ABAT: variants seen among roughly 807,000 people sequenced by gnomAD.
ABAT encodes the protein 4-aminobutyrate aminotransferase.
A neutral mutation model predicts 64.6 loss-of-function variants in ABAT; 45 were observed. The observed-to-expected ratio is 0.70, with a 90% confidence interval of 0.55 to 0.89. The LOEUF (loss-of-function observed/expected upper bound fraction) is 0.89, where lower values mean the gene tolerates loss of function less well. ABAT is among the 40% of genes least tolerant of loss of function. ABAT has a pLI of 0.00. For missense variants in ABAT, 633 were observed against 658.4 expected, an observed-to-expected ratio of 0.96 and a Z score of 0.42; for synonymous variants, 297 against 250.5, an observed-to-expected ratio of 1.19 and a Z score of -1.75.
intron 1 of ABAT, among the ~76,000 whole-genome samples, chr16:8,716,153 G>T (rs1338233767): frequency 6.6e-6 from 1 of 152,128 alleles, no homozygotes; most frequent in Non-Finnish European, 1.5e-5. Flanking sequence ...TTCCAGTGGA[G>T]AAAACAGAGG....
intron 6 of ABAT, among the ~76,000 whole-genome samples, chr16:8,762,641 C>T (rs2059830328): frequency 6.6e-6 from 1 of 152,322 alleles, no homozygotes; most frequent in South Asian, 2.1e-4. Flanking sequence ...AAGAACATCA[C>T]CCCCACGTCG....
At chr16:8,765,335 CA>C (rs143330523) in intron 8 of ABAT, among the ~76,000 whole-genome samples, 19,429 of 133,824 alleles carry the variant, frequency 0.15, 1,771 homozygotes, top group African/African-American at 0.29. Context: ...GACCCTGTCT[CA>C]AAAAAAAAAA....
At chr16:8,684,706 G>A (rs1329574775) in intron 1 of ABAT, among the ~76,000 whole-genome samples, 1 of 138,938 alleles carries the variant, frequency 7.2e-6, no homozygotes, top group Non-Finnish European at 1.5e-5. Context: ...GTGGACAACA[G>A]AGTGAGATCC....
intron 10 of ABAT, 45 bp downstream of exon 10, chr16:8,768,301 A>G (rs1167003438): frequency 3.8e-6 from 6 of 1,590,072 alleles, no homozygotes; most frequent in Non-Finnish European, 5.2e-6. Context: ...TTAGAATAGT[A>G]ATAATAACGG....
At chr16:8,691,740 G>A (rs986791104) in intron 1 of ABAT, among the ~76,000 whole-genome samples, 2 of 152,130 alleles carry the variant, frequency 1.3e-5, no homozygotes, top group Non-Finnish European at 2.9e-5. Context: ...CGCGCCCAGT[G>A]CCAAGGGACT....
chr16:8,693,681 C>G (rs961496945), intron 1 of ABAT, among the ~76,000 whole-genome samples: 1 of 152,104 alleles, frequency 6.6e-6, no homozygotes, highest in African/African-American at 2.4e-5. Context: ...GTTGGCCAGG[C>G]TGGTCTTGAA....
rs955053046 is a variant in ABAT, at chr16:8,784,395, C to T, written c.*2965C>T. ...GTAGAAAACCATAGCTAAGTAGCATCGCAGACTTAAGCGTACAAAGTGATC... is the reference window on the plus strand; with the variant it reads ...GTAGAAAACCATAGCTAAGTAGCATTGCAGACTTAAGCGTACAAAGTGATC... On this transcript the variant is annotated 3_prime_UTR_variant, in exon 16 of 16. Transcript: ENST00000268251. The T allele has an allele frequency of 7.2e-5, 11 of 152,550 alleles. No homozygotes were observed. The highest frequency in any genetic ancestry group is 1.3e-4 in the Non-Finnish European group (9 of 68,024). The allele number at this position is 152,550 out of a possible 1,614,324, so 9.4% of individuals were successfully genotyped here.
chr16:8,693,735 C>G (rs910629148), intron 1 of ABAT, among the ~76,000 whole-genome samples: 1 of 152,208 alleles, frequency 6.6e-6, no homozygotes, highest in African/African-American at 2.4e-5. Context: ...TCCCAAAGTG[C>G]TGGGATTACG....
intron 6 of ABAT, among the ~76,000 whole-genome samples, chr16:8,761,142 G>C (rs2059784260): frequency 6.6e-6 from 1 of 151,818 alleles, no homozygotes; most frequent in African/African-American, 2.4e-5. Flanking sequence ...CTGATTTCAG[G>C]GACAGTACTA....
intron 12 of ABAT, among the ~76,000 whole-genome samples, chr16:8,773,914 T>A (rs2060193847): frequency 6.6e-6 from 1 of 152,208 alleles, no homozygotes; most frequent in South Asian, 2.1e-4. Context: ...TATTTCTTTG[T>A]GTATATGTAC....
chr16:8,692,122 T>G (rs2057597615), intron 1 of ABAT, among the ~76,000 whole-genome samples: 1 of 152,186 alleles, frequency 6.6e-6, no homozygotes, highest in African/African-American at 2.4e-5. Context: ...GGCTCATGTC[T>G]GTAATCCCAG....
chr16:8,717,100 A>G (rs1430524311), intron 1 of ABAT, among the ~76,000 whole-genome samples: 2 of 151,966 alleles, frequency 1.3e-5, no homozygotes, highest in East Asian at 3.9e-4. Context: ...GACCAGCCTG[A>G]CCAACATGGT....
In ABAT at chr16:8,732,200, T is replaced by G. The variant is rs890310452; in HGVS notation, c.-41-3499T>G. 2.3e-3 allele frequency among the ~76,000 whole-genome samples: 40 copies of G among 17,452 alleles called. No homozygotes were observed. In the East Asian group the frequency reaches 0.058, roughly 25 times the overall value. The allele number at this position is 17,452 out of a possible 152,430, so 11.4% of individuals were successfully genotyped here. A position where few individuals can be genotyped will look rare whatever the true frequency, so the allele number is the denominator to read the frequency against. Reference sequence around the variant, plus strand: ...TGACTACTTTAGGTTTTTTTTGTTTTTTTTTTTTGTTTGTTTGTTTTTTTA... The same window carrying G: ...TGACTACTTTAGGTTTTTTTTGTTTGTTTTTTTTGTTTGTTTGTTTTTTTA... On this transcript the variant is annotated intron_variant, in intron 1 of 15. Coordinates refer to ENST00000268251, the MANE Select transcript of ABAT (RefSeq NM_020686.6).
At chr16:8,686,348 G>A (rs2057455536) in intron 1 of ABAT, among the ~76,000 whole-genome samples, 1 of 152,246 alleles carries the variant, frequency 6.6e-6, no homozygotes, top group African/African-American at 2.4e-5. Context: ...TCAAAAAAGA[G>A]CCACACACAG....
chr16:8,717,180 C>A (rs2058237969), intron 1 of ABAT, among the ~76,000 whole-genome samples: 1 of 152,060 alleles, frequency 6.6e-6, no homozygotes, highest in South Asian at 2.1e-4. Flanking sequence ...ATCCCAGCTA[C>A]TCGGGAGGCT....
intron 5 of ABAT, among the ~76,000 whole-genome samples, chr16:8,755,466 A>G (rs143122041): frequency 5.9e-4 from 90 of 152,346 alleles, no homozygotes; most frequent in African/African-American, 2.0e-3. Flanking sequence ...TAGAAACTCA[A>G]GTCAAACAAA....
At chr16:8,713,762 G>C (rs1366729582) in intron 1 of ABAT, 2 of 427,200 alleles carry the variant, frequency 4.7e-6, no homozygotes, top group African/African-American at 2.0e-5. Context: ...CACCTCTTAG[G>C]ATGAACCCAG....
At chr16:8,691,826 C>T (rs2057589875) in intron 1 of ABAT, among the ~76,000 whole-genome samples, 1 of 152,142 alleles carries the variant, frequency 6.6e-6, no homozygotes, top group Admixed American at 6.5e-5. Flanking sequence ...ATCTGGTGGG[C>T]AGAGGCCAGG....
chr16:8,774,195 G>A (rs1031331402), intron 12 of ABAT, among the ~76,000 whole-genome samples: 1 of 152,152 alleles, frequency 6.6e-6, no homozygotes, highest in Non-Finnish European at 1.5e-5. Flanking sequence ...GCCTCCCAAA[G>A]TGCTGGAATT....
Sources: gnomAD v4.1 joint callset for allele counts (sites outside exome capture counted in the v4.1 genomes callset) on GRCh38, gnomAD v4.1.1 for gene constraint, MANE v1.5 for transcripts, NCBI Gene and HGNC (gene_info 2026-07-23, HGNC 2026-07-21) for gene names.